The following WDFY2 variants were observed in gnomAD, a reference collection of about 807,000 sequenced individuals.
WDFY2 encodes WD repeat and FYVE domain containing 2, also known as WD repeat and FYVE domain-containing protein 2.
In WDFY2, 36 loss-of-function variants were observed where a neutral mutation model predicts 56.4. The ratio of observed to expected loss-of-function variants is 0.64; its 90% CI spans 0.49 to 0.84. The LOEUF (loss-of-function observed/expected upper bound fraction) is 0.84. WDFY2 is among the 40% of genes least tolerant of loss of function. The probability of loss-of-function intolerance (pLI) is 0.00; values close to 1 mark genes in which losing one functional copy is unlikely to be tolerated. For synonymous variants in WDFY2, 176 were observed against 183.7 expected (o/e 0.96, Z 0.34); for missense variants, 444 against 512.2 (o/e 0.87, Z 1.29).
At chr13:51,621,652 A>G (rs1954727619) in intron 1 of WDFY2, among the ~76,000 whole-genome samples, 1 of 152,232 alleles carries the variant, frequency 6.6e-6, no homozygotes, top group Non-Finnish European at 1.5e-5. Flanking sequence ...AGTTGCAAAT[A>G]ATAAAGTGGC....
chr13:51,597,710 C>T (rs908599271), intron 1 of WDFY2, among the ~76,000 whole-genome samples: 1 of 152,038 alleles, frequency 6.6e-6, no homozygotes, highest in Non-Finnish European at 1.5e-5. Flanking sequence ...GAGATTGCAA[C>T]AATTTGAAAT....
chr13:51,738,906 G>T, intron 6 of WDFY2, 143 bp from the exon 7 acceptor site: 1 of 1,088,008 alleles, frequency 9.2e-7, no homozygotes, highest in African/African-American at 1.6e-5. Flanking sequence ...TTTTCTCTTT[G>T]GGGACTTACT....
chr13:51,591,318 A>G (rs1954039500), intron 1 of WDFY2: 1 of 152,206 alleles, frequency 6.6e-6, no homozygotes, highest in Non-Finnish European at 1.5e-5. Flanking sequence ...GGCAGCGGTT[A>G]TTTATTCCTG....
intron 6 of WDFY2, among the ~76,000 whole-genome samples, chr13:51,738,170 A>G (rs943211004): frequency 6.6e-5 from 10 of 152,272 alleles, no homozygotes; most frequent in African/African-American, 2.4e-4. Context: ...AATATTTTTA[A>G]TAATGTAAAA....
chr13:51,756,648 A>G, intron 10 of WDFY2, 186 bp downstream of exon 10: 1 of 985,282 alleles, frequency 1.0e-6, no homozygotes, highest in Non-Finnish European at 1.2e-6. Flanking sequence ...AGATGAGAGA[A>G]GAGAAAATAC....
chr13:51,718,119 T>C lies in WDFY2; in HGVS notation c.335-1079T>C, dbSNP rs372564734. On this transcript the variant is annotated intron_variant, in intron 4 of 11. Coordinates refer to ENST00000298125, the MANE Select transcript of WDFY2 (RefSeq NM_052950.4). Reference sequence around the variant, plus strand: ...CATTTGTCCATCCATACTGTCTAACTCTGTTTTCATGATCAAAATGTGAAA... The same window carrying C: ...CATTTGTCCATCCATACTGTCTAACCCTGTTTTCATGATCAAAATGTGAAA... Among the ~76,000 whole-genome samples the C allele has an allele frequency of 6.6e-5, 10 of 152,324 alleles. No individual in the cohort carries two copies. The South Asian group carries it at 1.2e-3, about 19-fold the overall frequency.
At chr13:51,626,335 T>G (rs1954835602) in intron 1 of WDFY2, among the ~76,000 whole-genome samples, 1 of 152,208 alleles carries the variant, frequency 6.6e-6, no homozygotes. Context: ...CAACTTAACC[T>G]CCTAAGCCTC....
chr13:51,758,452 T>C (rs750577328), intron 11 of WDFY2, 152 bp downstream of exon 11: 6 of 463,128 alleles, frequency 1.3e-5, no homozygotes, highest in Admixed American at 2.9e-5. Flanking sequence ...TCAGGAGATT[T>C]AGGAGGGAGG....
intron 1 of WDFY2, among the ~76,000 whole-genome samples, chr13:51,654,710 T>C (rs1047182367): frequency 8.5e-5 from 13 of 152,260 alleles, no homozygotes; most frequent in African/African-American, 2.9e-4. Context: ...AGGCTTTGTA[T>C]AGTAAAATTC....
chr13:51,749,523 G>A (rs1395638273), intron 7 of WDFY2, among the ~76,000 whole-genome samples: 2 of 151,980 alleles, frequency 1.3e-5, no homozygotes, highest in East Asian at 1.9e-4. Context: ...ATTGGAAATC[G>A]TCCCATATAA....
Position 51,756,398 on chromosome 13 carries a change from C to A in WDFY2, c.1000C>A (p.Leu334Met). ...KCSSKRSSIPLMGFEFEVRVC... is the reference protein window; with the variant it reads ...KCSSKRSSIPMMGFEFEVRVC... ...CAGCTCCAAGCGCTCCTCCATCCCC[C>A]TGATGGGCTTCGAGTTTGAAGTGAG... Residue 334 changes from leucine (L) to methionine (M), a missense_variant, in exon 10 of 12, where the codon CTG becomes ATG. By Grantham distance (15) the Leu-to-Met change is conservative. Coordinates refer to ENST00000298125, the MANE Select transcript of WDFY2 (RefSeq NM_052950.4). 1 of 1,614,174 alleles carries A rather than the reference C, an allele frequency of 6.2e-7. No individual in the cohort carries two copies. Among genetic ancestry groups the A allele is most frequent in the African/African-American group, 1.3e-5 (1 of 75,046 alleles).
intron 2 of WDFY2, among the ~76,000 whole-genome samples, chr13:51,671,936 G>A (rs776831143): frequency 3.3e-5 from 5 of 151,502 alleles, no homozygotes; most frequent in African/African-American, 7.3e-5. Flanking sequence ...GGTGTGTACC[G>A]TCACACCCGC....
chr13:51,584,470 G>A lies in WDFY2; in HGVS notation c.-218G>A, dbSNP rs552330711. The A allele has an allele frequency of 9.2e-5, 53 of 577,838 alleles. No individual in the cohort carries two copies. In the East Asian group the frequency reaches 1.6e-3, roughly 18 times the overall value. The allele number at this position is 577,838 out of a possible 1,614,324, so 35.8% of individuals were successfully genotyped here. A position where few individuals can be genotyped will look rare whatever the true frequency, so the allele number is the denominator to read the frequency against. On this transcript the variant is annotated 5_prime_UTR_variant, in exon 1 of 12. Transcript: ENST00000298125. Reference sequence around the variant, plus strand: ...CTCCGCCCCCTCCTCTTGTAGTGGCGCCGGCTTGCATCCCAGGTCGTGGCG... The same window carrying A: ...CTCCGCCCCCTCCTCTTGTAGTGGCACCGGCTTGCATCCCAGGTCGTGGCG...
Position 51,759,963 on chromosome 13 carries a change from G to A in WDFY2, c.*194G>A, listed in dbSNP as rs1357466434. ...ACTCGCAAGGGGACTCTTCCAACTT[G>A]TTCATACAATATAAAAGAAGCTATT... On this transcript the variant is annotated 3_prime_UTR_variant, in exon 12 of 12. Transcript: ENST00000298125. The A allele has an allele frequency of 3.7e-6, 2 of 539,310 alleles. No individual in the cohort carries two copies. Among genetic ancestry groups the A allele is most frequent in the Non-Finnish European group, 6.7e-6 (2 of 297,574 alleles). 33.4% of individuals were successfully genotyped at this position (539,310 alleles called of 1,614,324 possible).
At chr13:51,714,619 G>T (rs1425120161) in intron 4 of WDFY2, among the ~76,000 whole-genome samples, 5 of 152,066 alleles carry the variant, frequency 3.3e-5, no homozygotes, top group African/African-American at 1.2e-4. Context: ...AGTGTTGGTG[G>T]GAATGTAAAA....
chr13:51,675,292 G>T, intron 3 of WDFY2, 49 bp downstream of exon 3: 1 of 1,520,454 alleles, frequency 6.6e-7, no homozygotes, highest in South Asian at 1.1e-5. Context: ...CCCTTCCTGT[G>T]GAGTATGTAT....
chr13:51,626,543 A>G (rs139963325), intron 1 of WDFY2, among the ~76,000 whole-genome samples: 1 of 152,312 alleles, frequency 6.6e-6, no homozygotes, highest in East Asian at 1.9e-4. Context: ...GATGATTAAC[A>G]GGTATTTATA....
chr13:51,659,099 G>A (rs1023599631), intron 1 of WDFY2, among the ~76,000 whole-genome samples: 4 of 151,940 alleles, frequency 2.6e-5, no homozygotes, highest in Non-Finnish European at 4.4e-5. Context: ...GCTAATTTTT[G>A]TATTTTTAGT....
intron 4 of WDFY2, among the ~76,000 whole-genome samples, chr13:51,711,303 G>A (rs1177590560): frequency 2.6e-5 from 4 of 152,188 alleles, no homozygotes; most frequent in African/African-American, 9.7e-5. Flanking sequence ...ATGGATTAAA[G>A]ACTTAAACGT....
Sources: gnomAD v4.1 joint callset for allele counts (sites outside exome capture counted in the v4.1 genomes callset) on GRCh38, gnomAD v4.1.1 for gene constraint, MANE v1.5 for transcripts, NCBI Gene and HGNC (gene_info 2026-07-23, HGNC 2026-07-21) for gene names.